The following OSBPL5 variants were observed in gnomAD, a reference collection of about 807,000 sequenced individuals.
The protein encoded by OSBPL5 is oxysterol-binding protein-related protein 5.
A neutral mutation model predicts 111.2 loss-of-function variants in OSBPL5; 71 were observed. The ratio of observed to expected loss-of-function variants is 0.64; its 90% CI spans 0.53 to 0.78. The LOEUF (loss-of-function observed/expected upper bound fraction) is 0.78, where lower values mean the gene tolerates loss of function less well. Among genes scored for constraint, OSBPL5 ranks in the 30% least tolerant of loss-of-function variants. The pLI, the probability that OSBPL5 is intolerant of heterozygous loss-of-function variation, is 0.00. For synonymous variants in OSBPL5, 549 were observed against 513.9 expected (o/e 1.07, Z -0.93); for missense variants, 1,210 against 1,189.3 (o/e 1.02, Z -0.26).
At position 3,093,806 on chromosome 11, in the gene OSBPL5, G is replaced by T; in HGVS notation, c.1749C>A (p.Asn583Lys). 6.2e-7 allele frequency: 1 copy of T among 1,612,902 alleles called. No individual in the cohort carries two copies. The highest frequency in any genetic ancestry group is 8.5e-7 in the Non-Finnish European group (1 of 1,179,982). The change falls in exon 16 of 22, where the codon AAC becomes AAA. Residue 583 changes from asparagine to lysine, a missense_variant. Coordinates refer to ENST00000263650, the MANE Select transcript of OSBPL5 (RefSeq NM_020896.4). ...CCGACGTGATCTTTCCCGAGATCTGGTTGATGCTGGTGCTACCCCCGAAGA... is the reference window on the plus strand; with the variant it reads ...CCGACGTGATCTTTCCCGAGATCTGTTTGATGCTGGTGCTACCCCCGAAGA... ...KPFFGGSTSINQISGKITSGE... is the reference protein window; with the variant it reads ...KPFFGGSTSIKQISGKITSGE...
rs1251541284 is a variant in OSBPL5, at chr11:3,140,138, C to A, written c.-21-10969G>T. Among the ~76,000 whole-genome samples, 2 of 152,244 alleles carry A rather than the reference C, an allele frequency of 1.3e-5. No individual in the cohort carries two copies. The highest frequency in any genetic ancestry group is 1.3e-4 in the Admixed American group (2 of 15,292). ...CTGCAGAGGAGAACCCGGCCAAGGTCCCCCAAATTGCAGCCACCATCTCGG... is the reference window on the plus strand; with the variant it reads ...CTGCAGAGGAGAACCCGGCCAAGGTACCCCAAATTGCAGCCACCATCTCGG... On this transcript the variant is annotated intron_variant, in intron 1 of 21. Coordinates refer to ENST00000263650, the MANE Select transcript of OSBPL5 (RefSeq NM_020896.4). This position sits in a 1 kb window ranked among gnomAD's most constrained non-coding sequence, Gnocchi z 4.5.
chr11:3,093,617 A>G lies in OSBPL5; in HGVS notation c.1856T>C (p.Leu619Pro). ...GACCTCCCCGCTCGGGGTCCAGAAA[A>G]GCGCACTGCTTCCGCTCCCTTCCTC... ...IKEEGSGSSA[L>P]FWTPSGEVRR... is the part of the protein sequence containing the mutation. Residue 619 changes from leucine to proline, a missense_variant, in exon 17 of 22, where the codon CTT becomes CCT. Transcript: ENST00000263650. 6.2e-7 allele frequency: 1 copy of G among 1,613,036 alleles called. No individual in the cohort carries two copies. Among genetic ancestry groups the G allele is most frequent in the South Asian group, 1.1e-5 (1 of 91,086 alleles).
chr11:3,131,705 T>TCCATCCATCCTCCCAC (rs1390907330), intron 1 of OSBPL5, among the ~76,000 whole-genome samples: 1 of 119,162 alleles, frequency 8.4e-6, no homozygotes, highest in Non-Finnish European at 1.7e-5. Flanking sequence ...CATCTATCCA[T>TCCATCCATCCTCCCAC]CCATCCATCC....
intron 1 of OSBPL5, among the ~76,000 whole-genome samples, chr11:3,151,753 C>T (rs1239437877): frequency 6.6e-6 from 1 of 152,240 alleles, no homozygotes; most frequent in Non-Finnish European, 1.5e-5. Context: ...CAGTCTGCCC[C>T]GTGGGAAGGG....
rs1225683463 is a variant in OSBPL5, at chr11:3,130,586, TC to T, written c.-21-1418del. Among the ~76,000 whole-genome samples, 1 of 151,950 alleles carries T rather than the reference TC, an allele frequency of 6.6e-6. No homozygotes were observed. Among genetic ancestry groups the T allele is most frequent in the Admixed American group, 6.5e-5 (1 of 15,270 alleles). ...GATGCAGCCAGGCTGGGCCAGCCCC[TC>T]CCTCACCTGGCCCCTGGCTCGGCTC... On this transcript the variant is annotated intron_variant, in intron 1 of 21. Transcript: ENST00000263650. The surrounding 1 kb of genome is among the most constrained non-coding windows in gnomAD (Gnocchi z 4.5).
intron 3 of OSBPL5, among the ~76,000 whole-genome samples, chr11:3,123,491 T>C (rs1204745179): frequency 6.6e-6 from 1 of 152,260 alleles, no homozygotes; most frequent in Non-Finnish European, 1.5e-5. Flanking sequence ...CGTGCTTGGA[T>C]GGCTGTGCTG....
rs1352356489 is a variant in OSBPL5, at chr11:3,140,797, G to C, written c.-21-11628C>G. On this transcript the variant is annotated intron_variant, in intron 1 of 21. Coordinates refer to ENST00000263650, the MANE Select transcript of OSBPL5 (RefSeq NM_020896.4). The surrounding 1 kb of genome is among the most constrained non-coding windows in gnomAD (Gnocchi z 4.5). ...ACCTGGGGCGGCCCCTCATGTCCAG[G>C]AGCTGAGGCTGCCCCTGGGTGTATC... 1.3e-5 allele frequency among the ~76,000 whole-genome samples: 2 copies of C among 152,114 alleles called. No homozygotes were observed. Among genetic ancestry groups the C allele is most frequent in the Admixed American group, 1.3e-4 (2 of 15,284 alleles).
intron 1 of OSBPL5, among the ~76,000 whole-genome samples, chr11:3,135,168 T>C (rs1845915597): frequency 6.6e-6 from 1 of 152,198 alleles, no homozygotes; most frequent in Non-Finnish European, 1.5e-5. Context: ...CTGGCGGTGC[T>C]TCGCTTTGGC....
At position 3,089,928 on chromosome 11, in the gene OSBPL5, G is replaced by T; in HGVS notation, c.2419C>A (p.Arg807=). Reference sequence around the variant, plus strand: ...AGCCGCCGCGCCTCCTTCCTGCACCGAGGGCATGGGCTCTCACCGCCTGGG... The same window carrying T: ...AGCCGCCGCGCCTCCTTCCTGCACCTAGGGCATGGGCTCTCACCGCCTGGG... The part of the protein sequence containing the change: ...FVPGGESPCP[R]CRKEARRLQA... The change falls in exon 21 of 22, where the codon CGG becomes AGG. Residue 807 remains arginine, a synonymous_variant. Transcript: ENST00000263650. 1 of 1,559,262 alleles carries T rather than the reference G, an allele frequency of 6.4e-7. No individual in the cohort carries two copies.
In OSBPL5 at chr11:3,092,832, C is replaced by A; in HGVS notation, c.2132+35G>T. On this transcript the variant is annotated intron_variant, in intron 18 of 21. Transcript: ENST00000263650. The surrounding 1 kb of genome is among the most constrained non-coding windows in gnomAD (Gnocchi z 5.4). ...TCAGCCCGTCTGCTAGGCCCAGCCCCACCCTGTGGCCCCCAGGGCTTTGTC... is the reference window on the plus strand; with the variant it reads ...TCAGCCCGTCTGCTAGGCCCAGCCCAACCCTGTGGCCCCCAGGGCTTTGTC... 1 of 1,499,298 alleles carries A rather than the reference C, an allele frequency of 6.7e-7. No individual in the cohort carries two copies. Among genetic ancestry groups the A allele is most frequent in the Non-Finnish European group, 9.0e-7 (1 of 1,115,410 alleles). 92.9% of individuals were successfully genotyped at this position (1,499,298 alleles called of 1,614,324 possible).
At chr11:3,148,563 G>C (rs546312499) in intron 1 of OSBPL5, among the ~76,000 whole-genome samples, 71 of 152,350 alleles carry the variant, frequency 4.7e-4, no homozygotes, top group African/African-American at 1.7e-3. Flanking sequence ...GTCTGGAACC[G>C]GCTTCCATGA....
In OSBPL5 at chr11:3,126,499, G is replaced by T. The variant is rs1323799974; in HGVS notation, c.193C>A (p.Pro65Thr). The T allele has an allele frequency of 6.2e-7, 1 of 1,609,772 alleles. No individual in the cohort carries two copies. The highest frequency in any genetic ancestry group is 1.1e-5 in the South Asian group (1 of 90,524). Reference protein sequence around the residue: ...SLPRDEGPPTPSSATKVPPAE... With the variant: ...SLPRDEGPPTTSSATKVPPAE... ...GGTGGCACCTTCGTGGCAGAGCTTGGGGTCGGGGGCCCTTCATCCCTGGGC... is the reference window on the plus strand; with the variant it reads ...GGTGGCACCTTCGTGGCAGAGCTTGTGGTCGGGGGCCCTTCATCCCTGGGC... Residue 65 changes from proline (P) to threonine (T), a missense_variant, in exon 3 of 22, where the codon CCA becomes ACA. Transcript: ENST00000263650. This position sits in a 1 kb window ranked among gnomAD's most constrained non-coding sequence, Gnocchi z 6.5.
intron 1 of OSBPL5, among the ~76,000 whole-genome samples, chr11:3,132,750 G>C (rs1167931378): frequency 6.6e-6 from 1 of 152,186 alleles, no homozygotes; most frequent in African/African-American, 2.4e-5. Context: ...TCTCCACGTA[G>C]CACTGGGAGT....
At position 3,120,573 on chromosome 11, in the gene OSBPL5, C is replaced by G. The variant is rs777617011; in HGVS notation, c.454G>C (p.Gly152Arg). 1.2e-6 allele frequency: 2 copies of G among 1,613,300 alleles called. No individual in the cohort carries two copies. The highest frequency in any genetic ancestry group is 2.2e-5 in the South Asian group (2 of 91,090). Residue 152 changes from glycine to arginine, a missense_variant, in exon 6 of 22, where the codon GGG becomes CGG. Coordinates refer to ENST00000263650, the MANE Select transcript of OSBPL5 (RefSeq NM_020896.4). Reference protein sequence around the residue: ...WTKLWCVLKPGVLLIYKTPKV... With the variant: ...WTKLWCVLKPRVLLIYKTPKV... Reference sequence around the variant, plus strand: ...GGCGTCTTGTAGATGAGCAGCACCCCCGGCTTCAGCACGCACCACAGCTTG... The same window carrying G: ...GGCGTCTTGTAGATGAGCAGCACCCGCGGCTTCAGCACGCACCACAGCTTG...
At chr11:3,156,665 T>C (rs1240436547) in intron 1 of OSBPL5, among the ~76,000 whole-genome samples, 1 of 152,240 alleles carries the variant, frequency 6.6e-6, no homozygotes, top group Non-Finnish European at 1.5e-5. Context: ...TTATTCTGCA[T>C]GGTTCCCGTG....
At chr11:3,102,328 C>T in intron 11 of OSBPL5, 47 bp from the exon 12 acceptor site, 1 of 1,537,204 alleles carries the variant, frequency 6.5e-7, no homozygotes, top group Non-Finnish European at 8.8e-7. Flanking sequence ...GGTAAGAGGT[C>T]CGCTGTGCAG....
chr11:3,088,323 C>T lies in OSBPL5; in HGVS notation c.2522G>A (p.Ser841Asn). 6.3e-7 allele frequency: 1 copy of T among 1,588,584 alleles called. No homozygotes were observed. The highest frequency in any genetic ancestry group is 8.5e-7 in the Non-Finnish European group (1 of 1,169,644). ...ELHRHLSAML[S>N]STARAAQAPT... ...TGCCTGTGCTGCCCGTGCCGTGGAG[C>T]TCAGCATGGCCGAGAGGTGCCTGCA... Residue 841 changes from serine to asparagine, a missense_variant, in exon 22 of 22, where the codon AGC (serine) becomes AAC (asparagine). Transcript: ENST00000263650.
At position 3,146,651 on chromosome 11, in the gene OSBPL5, C is replaced by T. The variant is rs2134527454; in HGVS notation, c.-21-17482G>A. 1 of 152,228 alleles carries T rather than the reference C, an allele frequency of 6.6e-6. No individual in the cohort carries two copies. Among genetic ancestry groups the T allele is most frequent in the East Asian group, 1.9e-4 (1 of 5,158 alleles). The allele number at this position is 152,228 out of a possible 1,614,324, so 9.4% of individuals were successfully genotyped here. A position where few individuals can be genotyped will look rare whatever the true frequency, so the allele number is the denominator to read the frequency against. ...TGCAGAGCTGCTAAGCCGCTGGGCA[C>T]ACAGCTGTGCCTGAGTGCAGGGGGA... On this transcript the variant is annotated intron_variant, in intron 1 of 21. Transcript: ENST00000263650. This position sits in a 1 kb window ranked among gnomAD's most constrained non-coding sequence, Gnocchi z 7.8.
intron 3 of OSBPL5, among the ~76,000 whole-genome samples, chr11:3,124,929 G>C (rs1858559158): frequency 6.6e-6 from 1 of 152,206 alleles, no homozygotes; most frequent in Non-Finnish European, 1.5e-5. Context: ...AACAGGGGAA[G>C]AGAGAGGCAA....
Sources: gnomAD v4.1 joint callset for allele counts (sites outside exome capture counted in the v4.1 genomes callset) on GRCh38, gnomAD v4.1.1 for gene constraint, Gnocchi (gnomAD v3.1) non-coding constraint, MANE v1.5 for transcripts, NCBI Gene and HGNC (gene_info 2026-07-23, HGNC 2026-07-21) for gene names.